Variants in DLGAP3 observed in about 807,000 individuals in gnomAD.
DLGAP3 encodes DLG associated protein 3.
A neutral mutation model predicts 81.2 loss-of-function variants in DLGAP3; 17 were observed. That is an observed-to-expected ratio of 0.21 (90% CI 0.14 to 0.31). The LOEUF (loss-of-function observed/expected upper bound fraction) is 0.31. DLGAP3 is among the 10% of genes least tolerant of loss of function. The pLI is 1.00. For missense variants in DLGAP3, 1,124 were observed against 1,388.0 expected (o/e 0.81, Z 3.02); for synonymous variants, 577 against 587.4 (o/e 0.98, Z 0.26).
intron 2 of DLGAP3, 79 bp downstream of exon 2, chr1:34,907,276 T>G (rs1255029905): frequency 6.6e-6 from 1 of 152,646 alleles, no homozygotes; most frequent in Non-Finnish European, 1.5e-5. Context: ...TGAGTCACTT[T>G]GAATCAAGAT....
At position 34,906,016 on chromosome 1, in the gene DLGAP3, T is replaced by TTTTATATATATATATATA. The variant is rs60469155; in HGVS notation, c.-51-583_-51-582insTATATATATATATATAAA. On this transcript the variant is annotated intron_variant, in intron 2 of 11. Coordinates refer to ENST00000373347, the MANE Select transcript of DLGAP3 (RefSeq NM_001080418.3). The stretch of plus-strand genomic sequence containing the variant: ...ACAGAGCGAGACCTGGCCTCTAAAT[T>TTTTATATATATATATATA]TATATATATATATATATTTGTTTGT... Among the ~76,000 whole-genome samples the TTTTATATATATATATATA allele has an allele frequency of 5.7e-4, 37 of 64,806 alleles. 5 individuals carry two copies. The highest frequency in any genetic ancestry group is 1.6e-3 in the African/African-American group (34 of 21,620). The allele number at this position is 64,806 out of a possible 152,430, so 42.5% of individuals were successfully genotyped here.
chr1:34,877,614 T>C (rs79239274), intron 8 of DLGAP3, among the ~76,000 whole-genome samples: 12,219 of 152,190 alleles, frequency 0.08, 663 homozygotes, highest in Non-Finnish European at 0.13. Flanking sequence ...AGAGGTATAA[T>C]CAAACTACTA....
chr1:34,888,652 C>T (rs920538431), intron 5 of DLGAP3, among the ~76,000 whole-genome samples: 10 of 152,192 alleles, frequency 6.6e-5, no homozygotes, highest in African/African-American at 1.9e-4. Flanking sequence ...GTATGGAAAT[C>T]CCAGGCCATG....
Position 34,902,270 on chromosome 1 carries a change from G to C in DLGAP3, c.1108-1997C>G, listed in dbSNP as rs1639471663. ...CGCCTCAGGGACAGCATAGGGTTCA[G>C]GGGAAAGGTGGAGACTCTGGGGATG... is the stretch of plus-strand genomic sequence containing the variant. On this transcript the variant is annotated intron_variant, in intron 3 of 11. Coordinates refer to ENST00000373347, the MANE Select transcript of DLGAP3 (RefSeq NM_001080418.3). The surrounding 1 kb of genome is among the most constrained non-coding windows in gnomAD (Gnocchi z 4.4). Among the ~76,000 whole-genome samples the C allele has an allele frequency of 6.6e-6, 1 of 152,144 alleles. No individual in the cohort carries two copies. Among genetic ancestry groups the C allele is most frequent in the South Asian group, 2.1e-4 (1 of 4,830 alleles).
intron 2 of DLGAP3, 49 bp from the exon 3 acceptor site, chr1:34,905,483 C>G (rs989085331): frequency 1.6e-6 from 2 of 1,289,788 alleles, no homozygotes; most frequent in African/African-American, 3.0e-5. Flanking sequence ...CCCTCTTCAC[C>G]TAAAACCATC....
At chr1:34,908,150 G>C (rs1639586552) in intron 1 of DLGAP3, among the ~76,000 whole-genome samples, 1 of 152,238 alleles carries the variant, frequency 6.6e-6, no homozygotes, top group African/African-American at 2.4e-5. Flanking sequence ...TAGGAACCAA[G>C]TCCTATTCAT....
intron 8 of DLGAP3, among the ~76,000 whole-genome samples, chr1:34,878,450 G>T (rs139243090): frequency 6.6e-6 from 1 of 152,042 alleles, no homozygotes; most frequent in East Asian, 1.9e-4. Flanking sequence ...AGGTAAAAAA[G>T]ACTTCAAGGC....
chr1:34,885,472 C>G lies in DLGAP3; in HGVS notation c.1914+6G>C. ...GAGCCCTCGTGGGCGCCTCCCCGTTCCATACCTGCACCCCAATGGACGGCC... is the reference window on the plus strand; with the variant it reads ...GAGCCCTCGTGGGCGCCTCCCCGTTGCATACCTGCACCCCAATGGACGGCC... On this transcript the variant is annotated splice_donor_region_variant and intron_variant, in intron 7 of 11. Transcript: ENST00000373347. 1 of 1,605,918 alleles carries G rather than the reference C, an allele frequency of 6.2e-7. No homozygotes were observed. Among genetic ancestry groups the G allele is most frequent in the South Asian group, 1.1e-5 (1 of 90,896 alleles).
chr1:34,907,094 A>C (rs1639567018), intron 2 of DLGAP3, among the ~76,000 whole-genome samples: 1 of 152,090 alleles, frequency 6.6e-6, no homozygotes, highest in African/African-American at 2.4e-5. Context: ...TTTCTTCCAG[A>C]TCCTGCTCAC....
intron 5 of DLGAP3, among the ~76,000 whole-genome samples, chr1:34,886,570 T>G (rs1355699027): frequency 7.3e-6 from 1 of 136,448 alleles, no homozygotes; most frequent in Admixed American, 7.4e-5. Flanking sequence ...TCTGGCTGGC[T>G]GCACTCCAGA....
At chr1:34,916,836 T>C (rs547263194) in intron 1 of DLGAP3, among the ~76,000 whole-genome samples, 50 of 152,134 alleles carry the variant, frequency 3.3e-4, no homozygotes, top group Non-Finnish European at 2.2e-4. Flanking sequence ...GCTGAGACTA[T>C]AGGCCCGTGC....
At chr1:34,906,032 ATT>A (rs1491232591) in intron 2 of DLGAP3, among the ~76,000 whole-genome samples, 1 of 126,522 alleles carries the variant, frequency 7.9e-6, no homozygotes, top group Non-Finnish European at 1.7e-5. Flanking sequence ...ATATATATAT[ATT>A]TGTTTGTTTT....
Position 34,876,119 on chromosome 1 carries a change from A to C in DLGAP3, c.2001-7030T>G, listed in dbSNP as rs544949090. ...GCACAGTGTTTGGCAAATAATACAG[A>C]TCCAATAAATATCTGTGGACAGATG... On this transcript the variant is annotated intron_variant, in intron 8 of 11. Transcript: ENST00000373347. 7.9e-5 allele frequency among the ~76,000 whole-genome samples: 12 copies of C among 152,164 alleles called. No homozygotes were observed. The South Asian group carries it at 2.5e-3, about 32-fold the overall frequency.
rs377200647 is a variant in DLGAP3, at chr1:34,904,669, C to T, written c.715G>A (p.Gly239Ser). The part of the protein sequence containing the change: ...HHHHHHQSRH[G>S]KRSKSKDRKG... ...CGGTCCTTGCTCTTGCTCCTCTTGC[C>T]GTGCCGGGACTGGTGGTGGTGGTGA... is the stretch of plus-strand genomic sequence containing the variant. Residue 239 changes from glycine to serine, a missense_variant, in exon 3 of 12, where the codon GGC becomes AGC. Gly to Ser is a moderately conservative substitution (Grantham distance 56). Around this residue, in one of 9 missense-constraint regions of DLGAP3, gnomAD observed 357 missense variants for 408.8 expected, o/e 0.87. Coordinates refer to ENST00000373347, the MANE Select transcript of DLGAP3 (RefSeq NM_001080418.3). This position sits in a 1 kb window ranked among gnomAD's most constrained non-coding sequence, Gnocchi z 8.1. 1.9e-5 allele frequency: 30 copies of T among 1,614,126 alleles called. No homozygotes were observed. The African/African-American group carries it at 3.3e-4, about 18-fold the overall frequency.
At chr1:34,912,879 C>T (rs920599307) in intron 1 of DLGAP3, among the ~76,000 whole-genome samples, 6 of 152,210 alleles carry the variant, frequency 3.9e-5, no homozygotes, top group African/African-American at 7.2e-5. Context: ...TCCCTCTGCC[C>T]GCTCCGGCCC....
chr1:34,890,897 T>C (rs1346194849), intron 5 of DLGAP3, among the ~76,000 whole-genome samples: 1 of 152,206 alleles, frequency 6.6e-6, no homozygotes, highest in Non-Finnish European at 1.5e-5. Context: ...TACATAGCAA[T>C]AGAAAATACA....
Position 34,905,094 on chromosome 1 carries a change from C to T in DLGAP3, c.290G>A (p.Gly97Asp). ...ACAGTCTTCACAGGTGTCGAAGGGG[C>T]CCTGGCCAGGGTACATCCTGGGGAA... ...STFPRMYPGQGPFDTCEDCVG... is the reference protein window; with the variant it reads ...STFPRMYPGQDPFDTCEDCVG... Residue 97 changes from glycine (G) to aspartate (D), a missense_variant, in exon 3 of 12, where the codon GGC becomes GAC. Around this residue, in one of 9 missense-constraint regions of DLGAP3, gnomAD observed 167 missense variants for 172.1 expected, o/e 0.97. Transcript: ENST00000373347. 2 of 1,589,636 alleles carry T rather than the reference C, an allele frequency of 1.3e-6. No individual in the cohort carries two copies. Among genetic ancestry groups the T allele is most frequent in the Non-Finnish European group, 1.7e-6 (2 of 1,167,858 alleles).
At chr1:34,871,753 G>A (rs1638983535) in intron 8 of DLGAP3, among the ~76,000 whole-genome samples, 1 of 152,162 alleles carries the variant, frequency 6.6e-6, no homozygotes, top group Non-Finnish European at 1.5e-5. Flanking sequence ...CCTTCCGCCT[G>A]TCCTCTGAGA....
intron 11 of DLGAP3, 132 bp from the exon 12 acceptor site, chr1:34,866,433 A>G: frequency 4.1e-6 from 3 of 727,620 alleles, no homozygotes; most frequent in Non-Finnish European, 6.6e-6. Context: ...AGAATCCGCC[A>G]CGGATCCCGT....
Sources: gnomAD v4.1 joint callset for allele counts (sites outside exome capture counted in the v4.1 genomes callset) on GRCh38, gnomAD v4.1.1 for gene constraint, gnomAD v4.1.1 regional missense constraint, Gnocchi (gnomAD v3.1) non-coding constraint, MANE v1.5 for transcripts, NCBI Gene and HGNC (gene_info 2026-07-23, HGNC 2026-07-21) for gene names.